HDAC4: variants seen among roughly 807,000 people sequenced by gnomAD.
HDAC4 encodes histone deacetylase 4, also known as histone deacetylase A.
In HDAC4, 16 loss-of-function variants were observed where a neutral mutation model predicts 135.1. That is an observed-to-expected ratio of 0.12 (90% CI 0.08 to 0.18). HDAC4 has a LOEUF of 0.18. Ranked by LOEUF, HDAC4 falls within the 10% of genes least tolerant of loss-of-function variation. The pLI, the probability that HDAC4 is intolerant of heterozygous loss-of-function variation, is 1.00. For missense variants in HDAC4, 1,143 were observed against 1,511.8 expected (o/e 0.76, Z 4.05); for synonymous variants, 685 against 653.4 (o/e 1.05, Z -0.74).
chr2:239,255,854 T>C (rs1002987801), intron 2 of HDAC4, among the ~76,000 whole-genome samples: 16 of 152,226 alleles, frequency 1.1e-4, no homozygotes, highest in African/African-American at 3.9e-4. Context: ...CACACGTGCA[T>C]GTCGGAGAGC....
intron 3 of HDAC4, among the ~76,000 whole-genome samples, chr2:239,194,139 ACTTGGATGCCAAGGAGGACAGGCAGCG>A (rs2045205566): frequency 6.6e-6 from 1 of 152,206 alleles, no homozygotes; most frequent in African/African-American, 2.4e-5. Context: ...AGATGCGCTC[ACTTGGATGCCAAGGAGGACAGGCAGCG>A]CCCTCTGAAG....
intron 3 of HDAC4, among the ~76,000 whole-genome samples, chr2:239,193,437 G>A (rs984704055): frequency 6.6e-6 from 1 of 152,268 alleles, no homozygotes; most frequent in Non-Finnish European, 1.5e-5. Context: ...TGTGTGCCAG[G>A]TGCTGTGGGA....
At chr2:239,360,466 C>T (rs1047152563) in intron 1 of HDAC4, among the ~76,000 whole-genome samples, 2 of 152,216 alleles carry the variant, frequency 1.3e-5, no homozygotes, top group African/African-American at 2.4e-5. Context: ...TGCAGCAGGA[C>T]CCCAAGCTGT....
intron 7 of HDAC4, among the ~76,000 whole-genome samples, chr2:239,153,277 T>C (rs139317929): frequency 7.9e-5 from 12 of 152,360 alleles, no homozygotes; most frequent in East Asian, 3.9e-4. Flanking sequence ...GGTCATACAA[T>C]TGCCCTTTAG....
At chr2:239,361,973 A>C (rs1278711333) in intron 1 of HDAC4, among the ~76,000 whole-genome samples, 1 of 152,266 alleles carries the variant, frequency 6.6e-6, no homozygotes, top group East Asian at 1.9e-4. Context: ...TTTGTTTCTG[A>C]AGGACGTTTG....
intron 21 of HDAC4, among the ~76,000 whole-genome samples, chr2:239,081,809 C>G (rs369473403): frequency 2.6e-5 from 4 of 152,184 alleles, no homozygotes; most frequent in Non-Finnish European, 4.4e-5. Context: ...GGGCCCTGCC[C>G]GGAGGAAAAC....
At chr2:239,182,938 T>C (rs1488830271) in intron 4 of HDAC4, among the ~76,000 whole-genome samples, 11 of 152,144 alleles carry the variant, frequency 7.2e-5, no homozygotes, top group African/African-American at 2.7e-4. Context: ...AATACCAAAT[T>C]CAGGCTTCGA....
chr2:239,267,551 T>C (rs1182837240), intron 2 of HDAC4, among the ~76,000 whole-genome samples: 1 of 152,248 alleles, frequency 6.6e-6, no homozygotes, highest in Non-Finnish European at 1.5e-5. Context: ...TAGAGAGTTG[T>C]ACACACAAGA....
intron 5 of HDAC4, among the ~76,000 whole-genome samples, chr2:239,173,033 C>A (rs1414390038): frequency 6.6e-6 from 1 of 152,102 alleles, no homozygotes; most frequent in Non-Finnish European, 1.5e-5. Context: ...CAAATGAAAT[C>A]TTAGGGTTAA....
intron 2 of HDAC4, among the ~76,000 whole-genome samples, chr2:239,255,489 C>T (rs1450335440): frequency 6.6e-6 from 1 of 152,120 alleles, no homozygotes; most frequent in Admixed American, 6.5e-5. Flanking sequence ...TTTGAGAGAC[C>T]GTCATTTTTT....
chr2:239,230,869 C>G (rs187742130), intron 3 of HDAC4, among the ~76,000 whole-genome samples: 1 of 152,166 alleles, frequency 6.6e-6, no homozygotes, highest in Non-Finnish European at 1.5e-5. Flanking sequence ...TCTCACCAAA[C>G]GAAACAATGC....
chr2:239,350,069 A>G (rs527993079), intron 2 of HDAC4, among the ~76,000 whole-genome samples: 47 of 152,366 alleles, frequency 3.1e-4, no homozygotes, highest in African/African-American at 1.1e-3. Flanking sequence ...CGCGGTTTCC[A>G]GAGCTGAGCC....
intron 2 of HDAC4, among the ~76,000 whole-genome samples, chr2:239,317,237 A>G (rs2053148091): frequency 2.0e-5 from 3 of 152,054 alleles, no homozygotes; most frequent in African/African-American, 7.2e-5. Context: ...GGGAGTAACA[A>G]ATGTGAAAGG....
chr2:239,386,252 G>T (rs2126081780), intron 1 of HDAC4, among the ~76,000 whole-genome samples: 1 of 152,198 alleles, frequency 6.6e-6, no homozygotes, highest in East Asian at 1.9e-4. Context: ...CGCACAGGGG[G>T]AGTCAAGGTC....
chr2:239,183,534 G>A (rs758255331), intron 4 of HDAC4, among the ~76,000 whole-genome samples: 1 of 152,194 alleles, frequency 6.6e-6, no homozygotes, highest in Non-Finnish European at 1.5e-5. Context: ...GTGTGCCCAC[G>A]TGCCCTATGT....
At chr2:239,072,950 C>T (rs975584371) in intron 22 of HDAC4, among the ~76,000 whole-genome samples, 14 of 152,176 alleles carry the variant, frequency 9.2e-5, no homozygotes, top group East Asian at 1.9e-4. Context: ...CCATCAGGGA[C>T]GCTGAGGCAA....
At chr2:239,289,528 A>G (rs548611366) in intron 2 of HDAC4, among the ~76,000 whole-genome samples, 1 of 152,312 alleles carries the variant, frequency 6.6e-6, no homozygotes, top group African/African-American at 2.4e-5. Context: ...CTGAACTCCA[A>G]CTAAGTGCCC....
At chr2:239,133,718 C>T (rs371640033) in intron 11 of HDAC4, among the ~76,000 whole-genome samples, 20 of 152,322 alleles carry the variant, frequency 1.3e-4, no homozygotes, top group Non-Finnish European at 2.6e-4. Flanking sequence ...CCGCCTGCCT[C>T]GGCCTCCCAA....
At chr2:239,210,708 A>G (rs2046317609) in intron 3 of HDAC4, among the ~76,000 whole-genome samples, 1 of 152,178 alleles carries the variant, frequency 6.6e-6, no homozygotes. Context: ...AGTTTAGAGG[A>G]CAGAGTGACG....
Sources: gnomAD v4.1 joint callset for allele counts (sites outside exome capture counted in the v4.1 genomes callset) on GRCh38, gnomAD v4.1.1 for gene constraint, MANE v1.5 for transcripts, NCBI Gene and HGNC (gene_info 2026-07-23, HGNC 2026-07-21) for gene names.